RIPOR2: variants seen among roughly 807,000 people sequenced by gnomAD.
RIPOR2 encodes rho family-interacting cell polarization regulator 2.
RIPOR2 carries 39 observed loss-of-function variants against 114.5 expected under a neutral mutation model. The observed-to-expected ratio is 0.34, with a 90% confidence interval of 0.26 to 0.44. The LOEUF (loss-of-function observed/expected upper bound fraction) is 0.44. Ranked by LOEUF, RIPOR2 falls within the 20% of genes least tolerant of loss-of-function variation. The pLI is 1.00. For synonymous variants in RIPOR2, 445 were observed against 484.4 expected (o/e 0.92, Z 1.07); for missense variants, 1,007 against 1,255.1 (o/e 0.80, Z 2.99).
rs376922885 is a variant in RIPOR2, at chr6:24,872,997, G to T, written c.345-38C>A. The T allele has an allele frequency of 1.4e-3, 1,877 of 1,389,734 alleles. 4 individuals are homozygous for T. The highest frequency in any genetic ancestry group is 1.8e-3 in the Non-Finnish European group (1,742 of 977,252). 86.1% of individuals were successfully genotyped at this position (1,389,734 alleles called of 1,614,324 possible). On this transcript the variant is annotated intron_variant, in intron 3 of 21. Coordinates refer to ENST00000643898, the MANE Select transcript of RIPOR2 (RefSeq NM_001286445.3). ...GACAAGATGTAATCGTAATCTCTGCGCCTGTTAAGTGGAATCTGGTGCTGT... is the reference window on the plus strand; with the variant it reads ...GACAAGATGTAATCGTAATCTCTGCTCCTGTTAAGTGGAATCTGGTGCTGT...
At chr6:24,948,533 C>CTTTT (rs35993841) in intron 1 of RIPOR2, among the ~76,000 whole-genome samples, 2 of 145,394 alleles carry the variant, frequency 1.4e-5, no homozygotes, top group Admixed American at 6.9e-5. Flanking sequence ...TTCTTTCTTT[C>CTTTT]TTTTTTTTTT....
intron 20 of RIPOR2, among the ~76,000 whole-genome samples, chr6:24,810,986 G>A (rs1446968818): frequency 2.7e-5 from 4 of 150,460 alleles, no homozygotes; most frequent in Non-Finnish European, 5.9e-5. Context: ...TGTGTTTTCA[G>A]TAAGGATGAG....
At chr6:24,868,346 G>C (rs1167275245) in intron 6 of RIPOR2, among the ~76,000 whole-genome samples, 1 of 152,162 alleles carries the variant, frequency 6.6e-6, no homozygotes, top group Non-Finnish European at 1.5e-5. Flanking sequence ...CTGACTCTTA[G>C]AGAGATCTGC....
At chr6:24,899,727 C>T (rs570611829) in intron 1 of RIPOR2, among the ~76,000 whole-genome samples, 1 of 152,310 alleles carries the variant, frequency 6.6e-6, no homozygotes, top group Admixed American at 6.5e-5. Context: ...AAAGTCCTCA[C>T]AAAAGAAAAG....
chr6:24,952,301 A>T (rs1361288464), intron 1 of RIPOR2, among the ~76,000 whole-genome samples: 2 of 152,114 alleles, frequency 1.3e-5, no homozygotes, highest in Non-Finnish European at 2.9e-5. Context: ...CTTTCCTATC[A>T]TCCATCCATT....
Position 24,835,861 on chromosome 6 carries a change from C to G in RIPOR2, c.2050G>C (p.Val684Leu), listed in dbSNP as rs1357298792. ...AGATGCCCCCTGGCTTCTGGGTGAA[C>G]CGACCTGTAACTATTGAAGGTGGGC... ...TETEKHSYRS[V>L]HPEARGHLSE... Residue 684 changes from valine to leucine, a missense_variant, in exon 15 of 22, where the codon GTT becomes CTT. Coordinates refer to ENST00000643898, the MANE Select transcript of RIPOR2 (RefSeq NM_001286445.3). 1 of 1,551,416 alleles carries G rather than the reference C, an allele frequency of 6.4e-7. No individual in the cohort carries two copies. Among genetic ancestry groups the G allele is most frequent in the African/African-American group, 1.4e-5 (1 of 72,992 alleles).
intron 1 of RIPOR2, chr6:25,023,794 C>T (rs753911016): frequency 1.3e-4 from 104 of 777,586 alleles, no homozygotes; most frequent in Non-Finnish European, 2.2e-4. Flanking sequence ...TGGTCACCTT[C>T]ACGGGGACCC....
intron 1 of RIPOR2, among the ~76,000 whole-genome samples, chr6:24,931,056 C>T (rs1771352756): frequency 1.3e-5 from 2 of 152,222 alleles, no homozygotes; most frequent in African/African-American, 4.8e-5. Context: ...CCAGTCTGAA[C>T]TTTCAACATT....
intron 1 of RIPOR2, among the ~76,000 whole-genome samples, chr6:25,027,992 C>T (rs1226495179): frequency 6.6e-6 from 1 of 152,190 alleles, no homozygotes; most frequent in Non-Finnish European, 1.5e-5. Context: ...CCCCTAACAG[C>T]TCTAAGCCCG....
intron 1 of RIPOR2, among the ~76,000 whole-genome samples, chr6:24,906,004 G>A (rs761697396): frequency 1.3e-5 from 2 of 152,202 alleles, no homozygotes; most frequent in Non-Finnish European, 2.9e-5. Context: ...CAAAAGTGAA[G>A]AGGCAAATAC....
chr6:24,856,371 T>A (rs1310421555), intron 8 of RIPOR2, among the ~76,000 whole-genome samples: 1 of 152,222 alleles, frequency 6.6e-6, no homozygotes, highest in Non-Finnish European at 1.5e-5. Context: ...TTAAAAAAAA[T>A]ACTTCTGAAA....
chr6:24,974,745 A>C (rs1773957434), intron 1 of RIPOR2, among the ~76,000 whole-genome samples: 1 of 152,248 alleles, frequency 6.6e-6, no homozygotes, highest in Non-Finnish European at 1.5e-5. Flanking sequence ...AAATGGAAAC[A>C]ACTGTTCATC....
intron 1 of RIPOR2, among the ~76,000 whole-genome samples, chr6:24,994,060 A>G (rs1034631676): frequency 2.0e-5 from 3 of 152,170 alleles, no homozygotes; most frequent in African/African-American, 7.2e-5. Flanking sequence ...GGCTAAATGT[A>G]TTGTTCTTTG....
chr6:25,031,319 C>T (rs962699578), intron 1 of RIPOR2: 1 of 152,054 alleles, frequency 6.6e-6, no homozygotes, highest in Non-Finnish European at 1.5e-5. Flanking sequence ...ATGATAAGGA[C>T]AGAAAACAGA....
intron 1 of RIPOR2, among the ~76,000 whole-genome samples, chr6:24,917,160 CA>C (rs1370828391): frequency 6.6e-6 from 1 of 151,962 alleles, no homozygotes; most frequent in Non-Finnish European, 1.5e-5. Flanking sequence ...TCCATTGATA[CA>C]ATACCATAAT....
chr6:25,010,767 T>C (rs1775745732), intron 1 of RIPOR2, among the ~76,000 whole-genome samples: 1 of 152,190 alleles, frequency 6.6e-6, no homozygotes, highest in Non-Finnish European at 1.5e-5. Context: ...AACATTTTTT[T>C]AGTGCTTGCT....
chr6:24,978,377 C>T (rs932969455), intron 1 of RIPOR2, among the ~76,000 whole-genome samples: 4 of 151,958 alleles, frequency 2.6e-5, no homozygotes, highest in Admixed American at 6.6e-5. Context: ...CTCTCTGTGC[C>T]GCCATACTGC....
intron 1 of RIPOR2, among the ~76,000 whole-genome samples, chr6:24,921,520 A>C (rs1301470815): frequency 6.6e-6 from 1 of 151,752 alleles, no homozygotes; most frequent in African/African-American, 2.4e-5. Context: ...TATTCCTGGA[A>C]CACTCTCCCC....
intron 1 of RIPOR2, among the ~76,000 whole-genome samples, chr6:24,957,249 G>A (rs558531821): frequency 5.9e-5 from 9 of 152,218 alleles, no homozygotes; most frequent in African/African-American, 1.9e-4. Context: ...CACTTAAGTT[G>A]TACTTACAAT....
Sources: allele counts gnomAD v4.1 joint callset (sites outside exome capture counted in the v4.1 genomes callset), GRCh38; gene constraint gnomAD v4.1.1; transcripts MANE v1.5; gene names NCBI Gene and HGNC (gene_info 2026-07-23, HGNC 2026-07-21).